HRH2: variants seen among roughly 807,000 people sequenced by gnomAD.
HRH2 encodes the protein histamine H2 receptor.
A neutral mutation model predicts 20.1 loss-of-function variants in HRH2; 4 were observed. That is an observed-to-expected ratio of 0.20 (90% CI 0.10 to 0.45). The LOEUF is 0.45. Ranked by LOEUF, HRH2 falls within the 20% of genes least tolerant of loss-of-function variation. HRH2 has a pLI of 0.99. For synonymous variants in HRH2, 197 were observed against 200.7 expected (o/e 0.98, Z 0.16); for missense variants, 250 against 461.6 (o/e 0.54, Z 4.20).
At chr5:175,704,319 T>C (rs922915697) in intron 2 of HRH2, among the ~76,000 whole-genome samples, 2 of 152,064 alleles carry the variant, frequency 1.3e-5, no homozygotes, top group South Asian at 2.1e-4. Flanking sequence ...AAATAGAAGG[T>C]TGCTTTAATA....
chr5:175,696,705 T>C (rs1028680696), intron 2 of HRH2, among the ~76,000 whole-genome samples: 3 of 152,150 alleles, frequency 2.0e-5, no homozygotes, highest in African/African-American at 7.2e-5. Context: ...ACTTTGCTTC[T>C]TCCGTGGGAC....
chr5:175,684,945 G>A (rs1020657990), intron 2 of HRH2, among the ~76,000 whole-genome samples: 4 of 152,156 alleles, frequency 2.6e-5, no homozygotes, highest in Admixed American at 2.6e-4. Context: ...GGTAACTTAA[G>A]CAGATCTATG....
intron 2 of HRH2, among the ~76,000 whole-genome samples, chr5:175,698,783 T>TA (rs1309222850): frequency 2.0e-5 from 3 of 152,190 alleles, no homozygotes; most frequent in Admixed American, 1.3e-4. Context: ...TAAAAGGGGT[T>TA]AAGGCCTGTG....
intron 2 of HRH2, among the ~76,000 whole-genome samples, chr5:175,706,796 A>T (rs1434375088): frequency 6.6e-6 from 1 of 152,184 alleles, no homozygotes; most frequent in Non-Finnish European, 1.5e-5. Context: ...CTTGTTCACA[A>T]AGCTTTACAA....
intron 1 of HRH2, among the ~76,000 whole-genome samples, chr5:175,674,234 G>A (rs1755678920): frequency 6.6e-6 from 1 of 152,150 alleles, no homozygotes. Context: ...GGGGTCTGGG[G>A]ATATGGACGT....
intron 2 of HRH2, among the ~76,000 whole-genome samples, chr5:175,697,735 A>G (rs533352751): frequency 5.3e-5 from 8 of 152,248 alleles, no homozygotes; most frequent in African/African-American, 1.7e-4. Flanking sequence ...TCACATACAA[A>G]TTCCTCAATC....
chr5:175,672,833 G>A (rs1413350489), intron 1 of HRH2, among the ~76,000 whole-genome samples: 1 of 152,196 alleles, frequency 6.6e-6, no homozygotes, highest in Non-Finnish European at 1.5e-5. Context: ...GAGCTGCCTT[G>A]GAGGGGTCCA....
intron 1 of HRH2, among the ~76,000 whole-genome samples, chr5:175,668,162 C>T (rs1755368109): frequency 2.0e-5 from 3 of 152,198 alleles, no homozygotes. Context: ...GGGCAGGGCA[C>T]AGGCACCTGG....
intron 2 of HRH2, chr5:175,685,369 A>G (rs1441028082): frequency 2.0e-6 from 3 of 1,529,522 alleles, no homozygotes; most frequent in Middle Eastern, 1.7e-4. Flanking sequence ...GGCACATAGA[A>G]GTTGCTCAAT....
intron 2 of HRH2, among the ~76,000 whole-genome samples, chr5:175,696,918 G>T (rs1756609349): frequency 6.6e-6 from 1 of 152,244 alleles, no homozygotes; most frequent in Admixed American, 6.5e-5. Context: ...AGCGGATGGT[G>T]GCCTCCCGTG....
At chr5:175,673,395 A>T (rs1755634178) in intron 1 of HRH2, among the ~76,000 whole-genome samples, 1 of 152,164 alleles carries the variant, frequency 6.6e-6, no homozygotes, top group Non-Finnish European at 1.5e-5. Flanking sequence ...AGCAGGTTAG[A>T]AAAAAGAATC....
chr5:175,688,163 C>T (rs961956135), intron 2 of HRH2, among the ~76,000 whole-genome samples: 6 of 152,210 alleles, frequency 3.9e-5, no homozygotes, highest in Non-Finnish European at 7.3e-5. Context: ...CGCAATTGCA[C>T]GGAGGCCCGC....
intron 1 of HRH2, among the ~76,000 whole-genome samples, chr5:175,661,915 G>A (rs1012266261): frequency 6.6e-6 from 1 of 152,130 alleles, no homozygotes. Context: ...CCAGCTACTC[G>A]GGAGGCTGAG....
chr5:175,666,257 A>G (rs1435845815), intron 1 of HRH2, among the ~76,000 whole-genome samples: 1 of 152,146 alleles, frequency 6.6e-6, no homozygotes, highest in Non-Finnish European at 1.5e-5. Flanking sequence ...TGTTCCTGGA[A>G]GCGACAGTCT....
intron 2 of HRH2, among the ~76,000 whole-genome samples, chr5:175,699,048 A>G (rs947593556): frequency 6.6e-6 from 1 of 152,202 alleles, no homozygotes; most frequent in African/African-American, 2.4e-5. Flanking sequence ...ACTTCCAGAA[A>G]ACCAGGAGAA....
intron 1 of HRH2, among the ~76,000 whole-genome samples, chr5:175,678,453 G>A (rs1755834356): frequency 6.6e-6 from 1 of 152,224 alleles, no homozygotes; most frequent in African/African-American, 2.4e-5. Context: ...GAAAACTGAG[G>A]CTCAGAGAGT....
At chr5:175,705,311 A>G (rs1756911398) in intron 2 of HRH2, among the ~76,000 whole-genome samples, 1 of 152,214 alleles carries the variant, frequency 6.6e-6, no homozygotes, top group Admixed American at 6.5e-5. Flanking sequence ...CAAATAGACC[A>G]GTGGAAAAGG....
At chr5:175,695,947 C>T (rs1756562356) in intron 2 of HRH2, among the ~76,000 whole-genome samples, 1 of 152,274 alleles carries the variant, frequency 6.6e-6, no homozygotes, top group African/African-American at 2.4e-5. Context: ...TCAGGGGCTA[C>T]ACCCAAGACA....
At chr5:175,682,367 C>CA (rs1470374644) in intron 1 of HRH2, among the ~76,000 whole-genome samples, 4 of 152,192 alleles carry the variant, frequency 2.6e-5, no homozygotes, top group Admixed American at 6.5e-5. Flanking sequence ...TCTGTGGGGC[C>CA]AGGCACCAGG....
Sources: allele counts gnomAD v4.1 joint callset (sites outside exome capture counted in the v4.1 genomes callset), GRCh38; gene constraint gnomAD v4.1.1; transcripts MANE v1.5; gene names NCBI Gene and HGNC (gene_info 2026-07-23, HGNC 2026-07-21).